UBXN2B: variants seen among roughly 807,000 people sequenced by gnomAD.
UBXN2B encodes the protein UBX domain protein 2B.
UBXN2B carries 19 observed loss-of-function variants against 37.5 expected under a neutral mutation model. The ratio of observed to expected loss-of-function variants is 0.51; its 90% CI spans 0.35 to 0.74. UBXN2B has a LOEUF of 0.74. Ranked by LOEUF, UBXN2B falls within the 30% of genes least tolerant of loss-of-function variation. The pLI is 0.01. For missense variants in UBXN2B, 370 were observed against 393.2 expected, an observed-to-expected ratio of 0.94 and a Z score of 0.50; for synonymous variants, 145 against 143.8, an observed-to-expected ratio of 1.01 and a Z score of -0.06.
chr8:58,441,346 AACATAT>A (rs1450625137), intron 6 of UBXN2B, among the ~76,000 whole-genome samples: 2 of 43,470 alleles, frequency 4.6e-5, no homozygotes, highest in Admixed American at 2.3e-4. Flanking sequence ...TGTTGTGATC[AACATAT>A]ATATATATAT....
In UBXN2B at chr8:58,411,768, A is replaced by G. The variant is rs546257867; in HGVS notation, c.84+299A>G. 1.9e-4 allele frequency among the ~76,000 whole-genome samples: 29 copies of G among 152,316 alleles called. No homozygotes were observed. The South Asian group carries it at 5.6e-3, about 29-fold the overall frequency. On this transcript the variant is annotated intron_variant, in intron 1 of 7. Transcript: ENST00000399598. ...GGTCAGTTGGTCGGTTCACGGGTTG[A>G]TGCTTCCTTCTTGAGACTTACTCCA...
At chr8:58,415,772 C>T (rs1807761908) in intron 1 of UBXN2B, among the ~76,000 whole-genome samples, 1 of 151,944 alleles carries the variant, frequency 6.6e-6, no homozygotes, top group Admixed American at 6.6e-5. Flanking sequence ...TTTTAGATTA[C>T]CAAACACTTT....
At chr8:58,421,044 A>C (rs1807911326) in intron 2 of UBXN2B, among the ~76,000 whole-genome samples, 1 of 152,236 alleles carries the variant, frequency 6.6e-6, no homozygotes, top group Non-Finnish European at 1.5e-5. Context: ...ATGGATACTA[A>C]GCTAAAATAA....
chr8:58,431,601 G>C (rs1338109159), intron 3 of UBXN2B, among the ~76,000 whole-genome samples: 2 of 152,200 alleles, frequency 1.3e-5, no homozygotes, highest in African/African-American at 4.8e-5. Flanking sequence ...GCAATTGGTA[G>C]ATCATACATT....
rs559242127 is a variant in UBXN2B, at chr8:58,424,551, C to T, written c.189-5968C>T. ...ATCTTTTTAGGGAGAGAGTGAAGTC[C>T]ACATCTATTTTTGTGCTGAAGTTTT... On this transcript the variant is annotated intron_variant, in intron 2 of 7. Coordinates refer to ENST00000399598, the MANE Select transcript of UBXN2B (RefSeq NM_001077619.2). 1.1e-4 allele frequency: 96 copies of T among 906,868 alleles called. No homozygotes were observed. In the East Asian group the frequency reaches 2.1e-3, roughly 20 times the overall value. The allele number at this position is 906,868 out of a possible 1,614,324, so 56.2% of individuals were successfully genotyped here.
At chr8:58,447,089 G>A (rs547464567) in intron 7 of UBXN2B, among the ~76,000 whole-genome samples, 3 of 152,024 alleles carry the variant, frequency 2.0e-5, no homozygotes, top group East Asian at 1.9e-4. Context: ...GTAAGCCACC[G>A]TGCCCAGCTG....
chr8:58,446,522 TCA>T (rs1344466635), intron 7 of UBXN2B, among the ~76,000 whole-genome samples: 1 of 152,076 alleles, frequency 6.6e-6, no homozygotes, highest in Non-Finnish European at 1.5e-5. Flanking sequence ...GTCAAGAACT[TCA>T]GATAGTTTTA....
At chr8:58,422,921 T>C (rs1027367313) in intron 2 of UBXN2B, among the ~76,000 whole-genome samples, 1 of 152,214 alleles carries the variant, frequency 6.6e-6, no homozygotes, top group Non-Finnish European at 1.5e-5. Context: ...TTTGCTAATA[T>C]CCTTGGTTTT....
At chr8:58,428,841 T>A (rs1808174132) in intron 2 of UBXN2B, among the ~76,000 whole-genome samples, 1 of 152,176 alleles carries the variant, frequency 6.6e-6, no homozygotes. Flanking sequence ...GGCAACTTGA[T>A]TTATGACAGT....
intron 3 of UBXN2B, among the ~76,000 whole-genome samples, chr8:58,432,658 G>C (rs748554121): frequency 6.6e-6 from 1 of 151,964 alleles, no homozygotes; most frequent in Non-Finnish European, 1.5e-5. Flanking sequence ...CTGGGATTAC[G>C]AGCATGAGCC....
At chr8:58,441,359 A>ATATATATATGTATGTG (rs1808543076) in intron 6 of UBXN2B, among the ~76,000 whole-genome samples, 1 of 146,186 alleles carries the variant, frequency 6.8e-6, no homozygotes, top group Non-Finnish European at 1.5e-5. Flanking sequence ...ATATATATAT[A>ATATATATATGTATGTG]TATATATATG....
chr8:58,437,246 G>GTCCA (rs1401506601), intron 5 of UBXN2B, among the ~76,000 whole-genome samples: 1 of 150,100 alleles, frequency 6.7e-6, no homozygotes, highest in Non-Finnish European at 1.5e-5. Context: ...TCTGCGTTGT[G>GTCCA]TCCATACCCT....
At chr8:58,424,965 G>A (rs973005549) in intron 2 of UBXN2B, 8 of 800,380 alleles carry the variant, frequency 1.0e-5, no homozygotes, top group Non-Finnish European at 1.4e-5. Flanking sequence ...CAATCACAAC[G>A]TATGTCCCTG....
intron 1 of UBXN2B, among the ~76,000 whole-genome samples, chr8:58,412,872 T>TG (rs1389699142): frequency 6.6e-6 from 1 of 152,260 alleles, no homozygotes; most frequent in Non-Finnish European, 1.5e-5. Context: ...GCTCAGTTGT[T>TG]GCTGGGCAAA....
At chr8:58,435,680 C>T (rs1808395151) in intron 5 of UBXN2B, among the ~76,000 whole-genome samples, 1 of 152,140 alleles carries the variant, frequency 6.6e-6, no homozygotes, top group Non-Finnish European at 1.5e-5. Context: ...TAGATAAAAA[C>T]TAATTTATTG....
chr8:58,432,159 T>C (rs1808295405), intron 3 of UBXN2B, among the ~76,000 whole-genome samples: 1 of 152,162 alleles, frequency 6.6e-6, no homozygotes, highest in Non-Finnish European at 1.5e-5. Flanking sequence ...TAAGAACTTT[T>C]TACTTAACTG....
In UBXN2B at chr8:58,416,935, C is replaced by T; in HGVS notation, c.170C>T (p.Pro57Leu). Residue 57 changes from proline to leucine, a missense_variant, in exon 2 of 8, where the codon CCA becomes CTA. By Grantham distance (98) the Pro-to-Leu change is moderately conservative. Coordinates refer to ENST00000399598, the MANE Select transcript of UBXN2B (RefSeq NM_001077619.2). Reference protein sequence around the residue: ...NRPKATVFKSPRTPPQRFYSS... With the variant: ...NRPKATVFKSLRTPPQRFYSS... ...CCTAAAGCCACAGTCTTCAAGAGCC[C>T]ACGGACACCACCTCAACGGTAAGTT... The T allele has an allele frequency of 6.2e-7, 1 of 1,605,472 alleles. No individual in the cohort carries two copies. The highest frequency in any genetic ancestry group is 1.7e-4 in the Middle Eastern group (1 of 6,010).
chr8:58,439,085 A>T (rs1808484531), intron 5 of UBXN2B, among the ~76,000 whole-genome samples: 1 of 151,988 alleles, frequency 6.6e-6, no homozygotes, highest in Non-Finnish European at 1.5e-5. Flanking sequence ...TTCCACTGTG[A>T]TTGTAAGTTT....
rs1218160530 is a variant in UBXN2B at position 58,434,757 on chromosome 8, G to T, written c.533+253G>T. 2.0e-6 allele frequency: 3 copies of T among 1,497,512 alleles called. No individual in the cohort carries two copies. In the African/African-American group the frequency reaches 4.2e-5, roughly 21 times the overall value. The allele number at this position is 1,497,512 out of a possible 1,614,324, so 92.8% of individuals were successfully genotyped here. On this transcript the variant is annotated intron_variant, in intron 5 of 7. Coordinates refer to ENST00000399598, the MANE Select transcript of UBXN2B (RefSeq NM_001077619.2). ...CCATTTTAAAATCTGATGAAACTAT[G>T]AACCCAGCTCCAAGAAGAAACATCT...
Sources: gnomAD v4.1 joint callset for allele counts (sites outside exome capture counted in the v4.1 genomes callset) on GRCh38, gnomAD v4.1.1 for gene constraint, MANE v1.5 for transcripts, NCBI Gene and HGNC (gene_info 2026-07-23, HGNC 2026-07-21) for gene names.